UPF1: variants seen among roughly 807,000 people sequenced by gnomAD.
UPF1 encodes the protein UPF1 RNA helicase and ATPase.
A neutral mutation model predicts 129.2 loss-of-function variants in UPF1; 9 were observed. The observed-to-expected ratio is 0.07, with a 90% CI of 0.04 to 0.12. UPF1 has a LOEUF of 0.12. Among genes scored for constraint, UPF1 ranks in the 10% least tolerant of loss-of-function variants. The probability of loss-of-function intolerance (pLI) is 1.00; values close to 1 mark genes in which losing one functional copy is unlikely to be tolerated. For missense variants in UPF1, 788 were observed against 1,525.3 expected (o/e 0.52, Z 8.05); for synonymous variants, 649 against 644.9 (o/e 1.01, Z -0.10).
chr19:18,852,043 G>T, intron 5 of UPF1, 92 bp from the exon 6 acceptor site: 2 of 1,448,086 alleles, frequency 1.4e-6, no homozygotes, highest in South Asian at 1.5e-5. Context: ...GAAGCGGCAT[G>T]TGTGCTCCAT....
At position 18,857,538 on chromosome 19, in the gene UPF1, C is replaced by G; in HGVS notation, c.2182+5C>G. ...TCCAGAATGGTGTCACTGCAGGTAA[C>G]GGGGCTCTGCCCAGGGCAGGGGCTT... On this transcript the variant is annotated splice_donor_5th_base_variant and intron_variant, in intron 15 of 23. Coordinates refer to ENST00000262803, the MANE Select transcript of UPF1 (RefSeq NM_002911.4). The G allele has an allele frequency of 6.2e-7, 1 of 1,607,642 alleles. No homozygotes were observed. Among genetic ancestry groups the G allele is most frequent in the Non-Finnish European group, 8.5e-7 (1 of 1,177,052 alleles).
chr19:18,866,934 CAA>C lies in UPF1; in HGVS notation c.*419_*420del, dbSNP rs2055853900. 1 of 152,634 alleles carries C rather than the reference CAA, an allele frequency of 6.6e-6. No homozygotes were observed. The highest frequency in any genetic ancestry group is 2.4e-5 in the African/African-American group (1 of 41,478). 9.5% of individuals were successfully genotyped at this position (152,634 alleles called of 1,614,324 possible). A position where few individuals can be genotyped will look rare whatever the true frequency, so the allele number is the denominator to read the frequency against. ...TTTCTGTGCCCGAGCAGGCTCCTTG[CAA>C]AGACAGCAGCGTGCGGGGCAGAGCC... On this transcript the variant is annotated 3_prime_UTR_variant, in exon 24 of 24. Transcript: ENST00000262803.
Position 18,867,193 on chromosome 19 carries a change from G to A in UPF1, c.*676G>A, listed in dbSNP as rs1158602888. 1 of 152,430 alleles carries A rather than the reference G, an allele frequency of 6.6e-6. No homozygotes were observed. Among genetic ancestry groups the A allele is most frequent in the Non-Finnish European group, 1.5e-5 (1 of 68,050 alleles). 9.4% of individuals were successfully genotyped at this position (152,430 alleles called of 1,614,324 possible). A position where few individuals can be genotyped will look rare whatever the true frequency, so the allele number is the denominator to read the frequency against. ...CCAGAAACAGTTTAAACAAGCCAGC[G>A]CTACTGGAGAAGAGGAGCAACACCT... On this transcript the variant is annotated 3_prime_UTR_variant, in exon 24 of 24. Transcript: ENST00000262803.
chr19:18,836,852 C>A (rs965644906), intron 1 of UPF1, among the ~76,000 whole-genome samples: 1 of 150,114 alleles, frequency 6.7e-6, no homozygotes, highest in Admixed American at 6.7e-5. Flanking sequence ...CTCCTGGGTT[C>A]AAGCGATTCT....
At position 18,853,016 on chromosome 19, in the gene UPF1, C is replaced by T. The variant is rs756886311; in HGVS notation, c.1002C>T (p.Asp334=). The change falls in exon 7 of 24, where the codon GAC becomes GAT. Residue 334 remains aspartate (D), a synonymous_variant. Coordinates refer to ENST00000262803, the MANE Select transcript of UPF1 (RefSeq NM_002911.4). This position sits in a 1 kb window ranked among gnomAD's most constrained non-coding sequence, Gnocchi z 4.4. ...AAGATAACATCACTGTCAGGTGGGA[C>T]CTGGGCCTTAACAAGAAGAGAATCG... is the stretch of plus-strand genomic sequence containing the variant. The part of the protein sequence containing the change: ...QTQDNITVRW[D]LGLNKKRIAY... The T allele has an allele frequency of 5.0e-6, 8 of 1,614,126 alleles. No individual in the cohort carries two copies. The highest frequency in any genetic ancestry group is 6.8e-6 in the Non-Finnish European group (8 of 1,180,022).
At chr19:18,835,197 A>G (rs1393840665) in intron 1 of UPF1, among the ~76,000 whole-genome samples, 5 of 152,098 alleles carry the variant, frequency 3.3e-5, no homozygotes, top group African/African-American at 4.8e-5. Context: ...CATATCATAT[A>G]TGGTGTTTTG....
rs78572317 is a variant in UPF1 at position 18,863,915 on chromosome 19, G to A, written c.2776-255G>A. Among the ~76,000 whole-genome samples the A allele has an allele frequency of 2.0e-4, 30 of 152,284 alleles. No individual in the cohort carries two copies. The East Asian group carries it at 5.4e-3, about 27-fold the overall frequency. On this transcript the variant is annotated intron_variant, in intron 19 of 23. Transcript: ENST00000262803. ...GTTGGAAGCTTTGCAAGCCCGGGGT[G>A]ATCTGGTAGTGAGGGGGTGTGAAGC...
At position 18,851,693 on chromosome 19, in the gene UPF1, C is replaced by T. The variant is rs548982145; in HGVS notation, c.811-442C>T. On this transcript the variant is annotated intron_variant, in intron 5 of 23. Transcript: ENST00000262803. The surrounding 1 kb of genome is among the most constrained non-coding windows in gnomAD (Gnocchi z 4.2). ...TAGCAGACGTGGGAGACAGGCCTCC[C>T]GGGCTGTGGACACAGCGAGAGAAAC... Among the ~76,000 whole-genome samples, 19 of 152,328 alleles carry T rather than the reference C, an allele frequency of 1.2e-4. No individual in the cohort carries two copies. Among genetic ancestry groups the T allele is most frequent in the African/African-American group, 2.9e-4 (12 of 41,568 alleles).
intron 18 of UPF1, chr19:18,862,953 A>G (rs1018864763): frequency 2.6e-5 from 4 of 154,438 alleles, no homozygotes; most frequent in Non-Finnish European, 5.8e-5. Flanking sequence ...TCCGGCTCAT[A>G]TGCGCGGTGG....
intron 1 of UPF1, among the ~76,000 whole-genome samples, chr19:18,836,806 T>G (rs2055488166): frequency 6.8e-6 from 1 of 147,038 alleles, no homozygotes. Context: ...TAGGCTGGAG[T>G]GCAGTGGCAC....
In UPF1 at chr19:18,832,551, C is replaced by T; in HGVS notation, c.231+111C>T. 1 of 839,428 alleles carries T rather than the reference C, an allele frequency of 1.2e-6. No individual in the cohort carries two copies. The highest frequency in any genetic ancestry group is 1.4e-6 in the Non-Finnish European group (1 of 696,204). 52.0% of individuals were successfully genotyped at this position (839,428 alleles called of 1,614,324 possible). On this transcript the variant is annotated intron_variant, in intron 1 of 23. Transcript: ENST00000262803. The surrounding 1 kb of genome is among the most constrained non-coding windows in gnomAD (Gnocchi z 5.6). ...GTTTGGCCGGAGTCCCCCATCGCGGCCGGGCCTGGGGCGATCTGCCCCGGG... is the reference window on the plus strand; with the variant it reads ...GTTTGGCCGGAGTCCCCCATCGCGGTCGGGCCTGGGGCGATCTGCCCCGGG...
chr19:18,858,228 G>A (rs1271332112), intron 15 of UPF1, among the ~76,000 whole-genome samples: 1 of 152,188 alleles, frequency 6.6e-6, no homozygotes, highest in Non-Finnish European at 1.5e-5. Context: ...AAAAATGATC[G>A]AACCTGTCGC....
intron 1 of UPF1, among the ~76,000 whole-genome samples, chr19:18,837,980 G>T (rs1199491441): frequency 1.3e-5 from 2 of 152,234 alleles, no homozygotes; most frequent in South Asian, 2.1e-4. Context: ...TTCTCTGAGT[G>T]TGTAAACCTG....
In UPF1 at chr19:18,832,199, C is replaced by T. The variant is rs2055432826; in HGVS notation, c.-11C>T. 1 of 1,534,940 alleles carries T rather than the reference C, an allele frequency of 6.5e-7. No homozygotes were observed. Among genetic ancestry groups the T allele is most frequent in the South Asian group, 1.2e-5 (1 of 85,378 alleles). On this transcript the variant is annotated 5_prime_UTR_variant, in exon 1 of 24. Coordinates refer to ENST00000262803, the MANE Select transcript of UPF1 (RefSeq NM_002911.4). The surrounding 1 kb of genome is among the most constrained non-coding windows in gnomAD (Gnocchi z 5.6). ...CGCGGAACCGGCCCGAGGGCCCTACCCGGAGGCACCATGAGCGTGGAGGCG... is the reference window on the plus strand; with the variant it reads ...CGCGGAACCGGCCCGAGGGCCCTACTCGGAGGCACCATGAGCGTGGAGGCG...
At chr19:18,848,339 T>G (rs2055621933) in intron 3 of UPF1, 1 of 162,252 alleles carries the variant, frequency 6.2e-6, no homozygotes, top group Non-Finnish European at 1.4e-5. Flanking sequence ...ACTGTGTCGC[T>G]TGTTCTGTGT....
chr19:18,864,309 C>T (rs527292829), intron 20 of UPF1, 58 bp downstream of exon 20: 53 of 1,492,682 alleles, frequency 3.6e-5, no homozygotes, highest in Admixed American at 2.9e-4. Context: ...GGATGCTGGC[C>T]GTTCCCATGG....
At position 18,832,224 on chromosome 19, in the gene UPF1, G is replaced by A; in HGVS notation, c.15G>A (p.Ala5=). 11 of 1,544,730 alleles carry A rather than the reference G, an allele frequency of 7.1e-6. No homozygotes were observed. The highest frequency in any genetic ancestry group is 1.9e-5 in the Admixed American group (1 of 52,978). The change falls in exon 1 of 24, where the codon GCG becomes GCA. Residue 5 remains alanine (A), a synonymous_variant. Transcript: ENST00000262803. The surrounding 1 kb of genome is among the most constrained non-coding windows in gnomAD (Gnocchi z 5.6). MSVE[A]YGPSSQTLTF... Reference sequence around the variant, plus strand: ...CCGGAGGCACCATGAGCGTGGAGGCGTACGGGCCCAGCTCGCAGACTCTCA... The same window carrying A: ...CCGGAGGCACCATGAGCGTGGAGGCATACGGGCCCAGCTCGCAGACTCTCA...
chr19:18,863,263 GGCT>G, intron 18 of UPF1, 172 bp from the exon 19 acceptor site: 1 of 772,558 alleles, frequency 1.3e-6, no homozygotes, highest in South Asian at 1.9e-5. Context: ...CAGGGTCAGT[GGCT>G]TGGCATTGGG....
Position 18,868,172 on chromosome 19 carries a change from G to A in UPF1, c.*1655G>A. On this transcript the variant is annotated 3_prime_UTR_variant, in exon 24 of 24. Coordinates refer to ENST00000262803, the MANE Select transcript of UPF1 (RefSeq NM_002911.4). ...ACTGTACCAAGGCAATGTAACTTTT[G>A]ATTTTCGGTCAATTTAAGTTCTTTT... 2 of 236,266 alleles carry A rather than the reference G, an allele frequency of 8.5e-6. No homozygotes were observed. Among genetic ancestry groups the A allele is most frequent in the South Asian group, 1.1e-4 (2 of 18,016 alleles). The allele number at this position is 236,266 out of a possible 1,614,324, so 14.6% of individuals were successfully genotyped here. A position where few individuals can be genotyped will look rare whatever the true frequency, so the allele number is the denominator to read the frequency against.
Sources: gnomAD v4.1 joint callset for allele counts (sites outside exome capture counted in the v4.1 genomes callset) on GRCh38, gnomAD v4.1.1 for gene constraint, Gnocchi (gnomAD v3.1) non-coding constraint, MANE v1.5 for transcripts, NCBI Gene and HGNC (gene_info 2026-07-23, HGNC 2026-07-21) for gene names.